SYN2: variants seen among roughly 807,000 people sequenced by gnomAD.
SYN2 encodes the protein synapsin II, also known as synapsin-2.
SYN2 carries 19 observed loss-of-function variants against 50.9 expected under a neutral mutation model. That is an observed-to-expected ratio of 0.37 (90% CI 0.26 to 0.55). The LOEUF (loss-of-function observed/expected upper bound fraction) is 0.55, where lower values mean the gene tolerates loss of function less well. Ranked by LOEUF, SYN2 falls within the 20% of genes least tolerant of loss-of-function variation. The probability of loss-of-function intolerance (pLI) is 0.81; values close to 1 mark genes in which losing one functional copy is unlikely to be tolerated. For synonymous variants in SYN2, 255 were observed against 224.9 expected (o/e 1.13, Z -1.20); for missense variants, 587 against 576.4 (o/e 1.02, Z -0.19).
chr3:12,140,387 A>G (rs1696986667), intron 1 of SYN2, among the ~76,000 whole-genome samples: 1 of 152,220 alleles, frequency 6.6e-6, no homozygotes, highest in African/African-American at 2.4e-5. Flanking sequence ...GATGCGTTTT[A>G]TAGCCAAAAG....
intron 12 of SYN2, among the ~76,000 whole-genome samples, chr3:12,190,014 G>A (rs1698417055): frequency 6.6e-6 from 1 of 152,110 alleles, no homozygotes; most frequent in African/African-American, 2.4e-5. Flanking sequence ...GTGGCAAAAC[G>A]AGACTTTGGC....
intron 1 of SYN2, among the ~76,000 whole-genome samples, chr3:12,109,374 A>G (rs1454247430): frequency 6.6e-6 from 1 of 152,148 alleles, no homozygotes; most frequent in Non-Finnish European, 1.5e-5. Flanking sequence ...ACAAAAGTCA[A>G]AGTATGGGTG....
At chr3:12,188,344 A>G (rs999722485) in intron 12 of SYN2, among the ~76,000 whole-genome samples, 2 of 152,214 alleles carry the variant, frequency 1.3e-5, no homozygotes, top group Admixed American at 1.3e-4. Flanking sequence ...GACGATGGTC[A>G]GTTCTGCCCT....
At chr3:12,175,058 A>C (rs1028834393) in intron 10 of SYN2, among the ~76,000 whole-genome samples, 9 of 152,220 alleles carry the variant, frequency 5.9e-5, no homozygotes, top group Admixed American at 5.9e-4. Flanking sequence ...GACAGGTGAG[A>C]GTGGTTTGCC....
chr3:12,160,854 T>G (rs980823031), intron 5 of SYN2, among the ~76,000 whole-genome samples: 4 of 152,260 alleles, frequency 2.6e-5, no homozygotes, highest in African/African-American at 7.2e-5. Flanking sequence ...TTTTAAGGTT[T>G]TGTTGCTCCT....
chr3:12,020,469 C>T (rs1236556680), intron 1 of SYN2, among the ~76,000 whole-genome samples: 3 of 151,972 alleles, frequency 2.0e-5, no homozygotes, highest in Non-Finnish European at 4.4e-5. Flanking sequence ...TTTGAAGCAC[C>T]TGGCCCTCTG....
At chr3:12,056,081 T>C (rs988388656) in intron 1 of SYN2, among the ~76,000 whole-genome samples, 7 of 152,080 alleles carry the variant, frequency 4.6e-5, no homozygotes, top group African/African-American at 1.4e-4. Context: ...TGCTCCAGGC[T>C]CTTGAACAGA....
At chr3:12,086,015 GAAA>G (rs1340642704) in intron 1 of SYN2, among the ~76,000 whole-genome samples, 1 of 151,974 alleles carries the variant, frequency 6.6e-6, no homozygotes, top group African/African-American at 2.4e-5. Context: ...GACTAACAAA[GAAA>G]AAGAGAAGAT....
chr3:12,042,402 T>G (rs959653805), intron 1 of SYN2, among the ~76,000 whole-genome samples: 3 of 152,224 alleles, frequency 2.0e-5, no homozygotes, highest in African/African-American at 7.2e-5. Flanking sequence ...GCTTCAGGTC[T>G]GTTAAAAATG....
chr3:12,053,225 A>G (rs1399809763), intron 1 of SYN2, among the ~76,000 whole-genome samples: 2 of 152,068 alleles, frequency 1.3e-5, no homozygotes, highest in African/African-American at 4.8e-5. Context: ...GTTCGAGACT[A>G]GCCTCACCAA....
At chr3:12,104,589 T>TTTTTTTC in intron 1 of SYN2, among the ~76,000 whole-genome samples, 1 of 144,566 alleles carries the variant, frequency 6.9e-6, no homozygotes, top group Non-Finnish European at 1.5e-5. Flanking sequence ...TTTTTTTTTT[T>TTTTTTTC]TTTGAGACTG....
chr3:12,154,510 G>A (rs1412987805), intron 5 of SYN2: 2 of 1,588,434 alleles, frequency 1.3e-6, no homozygotes, highest in East Asian at 2.2e-5. Context: ...AGCCCCAGGG[G>A]CCCAGGTCCT....
intron 1 of SYN2, among the ~76,000 whole-genome samples, chr3:12,056,533 AGAG>A (rs1224043042): frequency 1.3e-5 from 2 of 152,190 alleles, no homozygotes; most frequent in Admixed American, 6.5e-5. Flanking sequence ...TAGTGGGCAG[AGAG>A]GAGAAAAGAA....
At chr3:12,137,062 A>G (rs781320256) in intron 1 of SYN2, among the ~76,000 whole-genome samples, 1 of 152,066 alleles carries the variant, frequency 6.6e-6, no homozygotes, top group Non-Finnish European at 1.5e-5. Flanking sequence ...CCTGGACAAC[A>G]TAGTGAAACC....
At chr3:12,111,434 G>GC (rs1391230495) in intron 1 of SYN2, among the ~76,000 whole-genome samples, 1 of 152,086 alleles carries the variant, frequency 6.6e-6, no homozygotes, top group African/African-American at 2.4e-5. Context: ...TATATACTTA[G>GC]CATGGTATCT....
intron 1 of SYN2, among the ~76,000 whole-genome samples, chr3:12,125,090 C>T (rs1455160368): frequency 6.6e-6 from 1 of 151,898 alleles, no homozygotes; most frequent in Non-Finnish European, 1.5e-5. Context: ...TCTTGGCTCA[C>T]TGCAACCTCC....
chr3:12,116,220 A>C (rs977736279), intron 1 of SYN2, among the ~76,000 whole-genome samples: 8 of 152,162 alleles, frequency 5.3e-5, no homozygotes, highest in African/African-American at 1.7e-4. Flanking sequence ...GGAAATGAAA[A>C]ACTCTTTAAT....
chr3:12,030,178 A>T (rs1365994129), intron 1 of SYN2, among the ~76,000 whole-genome samples: 2 of 110,842 alleles, frequency 1.8e-5, no homozygotes, highest in African/African-American at 6.3e-5. Flanking sequence ...GCTGGATTAC[A>T]TTTATTGATT....
intron 4 of SYN2, among the ~76,000 whole-genome samples, chr3:12,148,929 C>G (rs573911503): frequency 2.0e-5 from 3 of 152,306 alleles, no homozygotes; most frequent in African/African-American, 7.2e-5. Context: ...GAGGTAACAG[C>G]CCTTATCAGA....
Sources: gnomAD v4.1 joint callset for allele counts (sites outside exome capture counted in the v4.1 genomes callset) on GRCh38, gnomAD v4.1.1 for gene constraint, MANE v1.5 for transcripts, NCBI Gene and HGNC (gene_info 2026-07-23, HGNC 2026-07-21) for gene names.